DDR2: variants seen among roughly 807,000 people sequenced by gnomAD.
DDR2 encodes discoidin domain-containing receptor 2.
Under a neutral mutation model 94.9 loss-of-function variants are expected in DDR2, and 27 were observed. The observed-to-expected ratio is 0.28, with a 90% CI of 0.21 to 0.39. The LOEUF is 0.39. Among genes scored for constraint, DDR2 ranks in the 10% least tolerant of loss-of-function variants. The probability of loss-of-function intolerance (pLI) is 1.00; values close to 1 mark genes in which losing one functional copy is unlikely to be tolerated. For missense variants in DDR2, 783 were observed against 1,076.0 expected, an observed-to-expected ratio of 0.73 and a Z score of 3.81; for synonymous variants, 382 against 377.2, an observed-to-expected ratio of 1.01 and a Z score of -0.15.
intron 3 of DDR2, among the ~76,000 whole-genome samples, chr1:162,744,255 A>G (rs1463682167): frequency 6.6e-6 from 1 of 152,166 alleles, no homozygotes; most frequent in African/African-American, 2.4e-5. Context: ...GATCTCTAGA[A>G]CGTATTAATC....
intron 12 of DDR2, among the ~76,000 whole-genome samples, chr1:162,771,338 G>A (rs891992881): frequency 2.0e-5 from 3 of 152,066 alleles, no homozygotes; most frequent in Non-Finnish European, 4.4e-5. Flanking sequence ...AAGCAGACAG[G>A]ACTAAATTCA....
intron 2 of DDR2, among the ~76,000 whole-genome samples, chr1:162,689,841 TTAAAAA>T (rs1458784499): frequency 3.4e-4 from 5 of 14,698 alleles, no homozygotes; most frequent in Non-Finnish European, 5.2e-4. Flanking sequence ...CCATCTCTAC[TTAAAAA>T]AAAAAAAAAA....
chr1:162,771,091 TCTCAATAA>T (rs1425039449), intron 12 of DDR2, among the ~76,000 whole-genome samples: 2 of 152,228 alleles, frequency 1.3e-5, no homozygotes, highest in African/African-American at 4.8e-5. Context: ...TCTCACCTTT[TCTCAATAA>T]AAGCATTGAA....
intron 2 of DDR2, among the ~76,000 whole-genome samples, chr1:162,668,818 G>T (rs753252537): frequency 3.3e-5 from 5 of 152,080 alleles, no homozygotes; most frequent in African/African-American, 4.8e-5. Context: ...TTCCTTATTT[G>T]GAAATAGGGT....
At chr1:162,757,638 T>A (rs993082592) in intron 7 of DDR2, among the ~76,000 whole-genome samples, 2 of 151,992 alleles carry the variant, frequency 1.3e-5, no homozygotes, top group Non-Finnish European at 2.9e-5. Flanking sequence ...ATGTAATGAG[T>A]CATTGAAGAT....
At chr1:162,658,169 T>C (rs2101914383) in intron 2 of DDR2, among the ~76,000 whole-genome samples, 1 of 152,302 alleles carries the variant, frequency 6.6e-6, no homozygotes. Context: ...AGGAATGGTG[T>C]GTTTCTCGCA....
rs1647528324 is a variant in DDR2, at chr1:162,775,970, G to A, written c.2048+127G>A. The A allele has an allele frequency of 4.3e-6, 6 of 1,393,454 alleles. No homozygotes were observed. In the Admixed American group the frequency reaches 5.1e-5, roughly 12 times the overall value. The allele number at this position is 1,393,454 out of a possible 1,614,324, so 86.3% of individuals were successfully genotyped here. On this transcript the variant is annotated intron_variant, in intron 15 of 17. Transcript: ENST00000367921. ...ATGGTGGGGGAAGTCAGTGTGCAGG[G>A]AATAATGGAGCAGCTGCCCTTTGGG...
At chr1:162,704,943 C>G (rs1000650928) in intron 2 of DDR2, 1 of 152,246 alleles carries the variant, frequency 6.6e-6, no homozygotes, top group Non-Finnish European at 1.5e-5. Context: ...AAGATTTGCC[C>G]TTTTGCTTTT....
At chr1:162,704,689 G>A (rs1406014988) in intron 2 of DDR2, among the ~76,000 whole-genome samples, 1 of 152,156 alleles carries the variant, frequency 6.6e-6, no homozygotes, top group East Asian at 1.9e-4. Flanking sequence ...GACCCTGAAA[G>A]AGGGTGCCAC....
intron 2 of DDR2, among the ~76,000 whole-genome samples, chr1:162,661,380 T>C (rs559933936): frequency 2.0e-5 from 3 of 152,372 alleles, no homozygotes; most frequent in South Asian, 4.1e-4. Context: ...ATACACATTT[T>C]ACTCCTAAAA....
intron 9 of DDR2, among the ~76,000 whole-genome samples, chr1:162,761,789 A>G (rs1663760638): frequency 6.6e-6 from 1 of 152,204 alleles, no homozygotes; most frequent in African/African-American, 2.4e-5. Context: ...ATTTAAATGA[A>G]AATTTCTAAA....
chr1:162,644,916 G>C (rs976509169), intron 1 of DDR2, among the ~76,000 whole-genome samples: 1 of 152,170 alleles, frequency 6.6e-6, no homozygotes, highest in African/African-American at 2.4e-5. Flanking sequence ...CTTAAGGCTA[G>C]ATAAATACAT....
Position 162,761,285 on chromosome 1 carries a change from C to G in DDR2, c.930C>G (p.Ala310=), listed in dbSNP as rs1205893371. The change falls in exon 9 of 18, where the codon GCC becomes GCG. Residue 310 remains alanine, a synonymous_variant. Transcript: ENST00000367921. ...TACAGTGCTACTTCCGCTCTGAAGC[C>G]AGTGAGTGGGAACCTAATGCCATTT... The part of the protein sequence containing the change: ...KEVQCYFRSE[A]SEWEPNAISF... 1 of 1,614,206 alleles carries G rather than the reference C, an allele frequency of 6.2e-7. No individual in the cohort carries two copies. The highest frequency in any genetic ancestry group is 1.7e-5 in the Admixed American group (1 of 60,030).
intron 2 of DDR2, among the ~76,000 whole-genome samples, chr1:162,668,123 A>G (rs1022987166): frequency 7.2e-5 from 11 of 152,196 alleles, no homozygotes; most frequent in African/African-American, 2.7e-4. Flanking sequence ...AAACTCAGCT[A>G]TCAAGATAAA....
rs376915503 is a variant in DDR2, at chr1:162,638,465, G to A, written c.-192+5834G>A. On this transcript the variant is annotated intron_variant, in intron 1 of 17. Transcript: ENST00000367921. Reference sequence around the variant, plus strand: ...CCCCATGGTAAGGTTGGAGAAGTGCGTGCAAGTGTGTCTATGTGTGTTTTT... The same window carrying A: ...CCCCATGGTAAGGTTGGAGAAGTGCATGCAAGTGTGTCTATGTGTGTTTTT... Among the ~76,000 whole-genome samples the A allele has an allele frequency of 3.9e-5, 6 of 152,302 alleles. No individual in the cohort carries two copies. In the South Asian group the frequency reaches 6.2e-4, roughly 16 times the overall value.
At chr1:162,636,257 A>G (rs564586881) in intron 1 of DDR2, among the ~76,000 whole-genome samples, 1 of 152,320 alleles carries the variant, frequency 6.6e-6, no homozygotes, top group Non-Finnish European at 1.5e-5. Context: ...TGAAATGCTG[A>G]AGAAGGTCAG....
intron 2 of DDR2, among the ~76,000 whole-genome samples, chr1:162,655,968 C>T (rs1324891293): frequency 6.6e-6 from 1 of 152,082 alleles, no homozygotes; most frequent in East Asian, 1.9e-4. Context: ...TCATACAGCG[C>T]TTAGCTGGGA....
At chr1:162,717,723 G>A (rs77101201) in intron 2 of DDR2, among the ~76,000 whole-genome samples, 133 of 152,246 alleles carry the variant, frequency 8.7e-4, no homozygotes, top group African/African-American at 3.1e-3. Flanking sequence ...TGAGGTAATA[G>A]GTTTTTGGGA....
intron 2 of DDR2, among the ~76,000 whole-genome samples, chr1:162,665,165 C>T (rs1307039887): frequency 6.6e-6 from 1 of 152,138 alleles, no homozygotes; most frequent in African/African-American, 2.4e-5. Context: ...CCATAACCTC[C>T]CCTTTCTGAA....
Sources: gnomAD v4.1 joint callset for allele counts (sites outside exome capture counted in the v4.1 genomes callset) on GRCh38, gnomAD v4.1.1 for gene constraint, MANE v1.5 for transcripts, NCBI Gene and HGNC (gene_info 2026-07-23, HGNC 2026-07-21) for gene names.